The following LRRC20 variants were observed in gnomAD, a reference collection of about 807,000 sequenced individuals.
LRRC20 encodes the protein leucine rich repeat containing 20, also known as leucine-rich repeat-containing protein 20.
A neutral mutation model predicts 14.4 loss-of-function variants in LRRC20; 11 were observed. The ratio of observed to expected loss-of-function variants is 0.77; its 90% CI spans 0.48 to 1.27. LRRC20 has a LOEUF of 1.27. LRRC20 is among the 50% of genes most tolerant of loss of function. LRRC20 has a pLI of 0.00. For missense variants in LRRC20, 219 were observed against 251.2 expected (o/e 0.87, Z 0.87); for synonymous variants, 121 against 107.3 (o/e 1.13, Z -0.79).
At chr10:70,366,549 T>A (rs1844008349) in intron 2 of LRRC20, among the ~76,000 whole-genome samples, 1 of 152,058 alleles carries the variant, frequency 6.6e-6, no homozygotes, top group South Asian at 2.1e-4. Context: ...TAAATCAAAC[T>A]ACAATGAGAT....
intron 1 of LRRC20, among the ~76,000 whole-genome samples, chr10:70,381,179 T>C (rs1356397459): frequency 2.0e-5 from 3 of 152,184 alleles, no homozygotes; most frequent in Non-Finnish European, 1.5e-5. Context: ...ATTTGTAAAA[T>C]GGAAATACCA....
chr10:70,377,515 T>A (rs2137183077), intron 1 of LRRC20, among the ~76,000 whole-genome samples: 1 of 152,206 alleles, frequency 6.6e-6, no homozygotes, highest in South Asian at 2.1e-4. Flanking sequence ...CAGTGCTCAC[T>A]TTTTTATAAA....
chr10:70,324,546 T>G (rs1485561793), intron 3 of LRRC20, among the ~76,000 whole-genome samples: 1 of 152,164 alleles, frequency 6.6e-6, no homozygotes. Flanking sequence ...TGTGGGTGGG[T>G]TCCTGCTCCG....
At chr10:70,353,678 A>G (rs1843411488) in intron 2 of LRRC20, among the ~76,000 whole-genome samples, 1 of 152,166 alleles carries the variant, frequency 6.6e-6, no homozygotes, top group South Asian at 2.1e-4. Context: ...GGGCACTATT[A>G]TTACTATTCC....
chr10:70,323,589 G>A (rs1458858685), intron 4 of LRRC20, among the ~76,000 whole-genome samples: 1 of 152,206 alleles, frequency 6.6e-6, no homozygotes, highest in Non-Finnish European at 1.5e-5. Flanking sequence ...GAGAGGGAGA[G>A]CTTGTGGCCT....
chr10:70,317,741 G>A (rs1338498948), intron 4 of LRRC20, among the ~76,000 whole-genome samples: 1 of 152,196 alleles, frequency 6.6e-6, no homozygotes, highest in Non-Finnish European at 1.5e-5. Context: ...GGGACACTGA[G>A]AAGCCTTTTG....
At chr10:70,350,476 T>C (rs1386955013) in intron 2 of LRRC20, among the ~76,000 whole-genome samples, 2 of 152,258 alleles carry the variant, frequency 1.3e-5, no homozygotes, top group East Asian at 3.8e-4. Context: ...TAATGAATGC[T>C]TGATGAAAAG....
At chr10:70,330,412 C>T (rs892966098) in intron 3 of LRRC20, among the ~76,000 whole-genome samples, 2 of 150,618 alleles carry the variant, frequency 1.3e-5, no homozygotes, top group African/African-American at 4.9e-5. Flanking sequence ...TTATAATAAA[C>T]CTGGTAGGTT....
chr10:70,334,253 T>C (rs1303069976), intron 3 of LRRC20, among the ~76,000 whole-genome samples: 1 of 152,196 alleles, frequency 6.6e-6, no homozygotes, highest in Non-Finnish European at 1.5e-5. Flanking sequence ...CTTCCATGTC[T>C]GCCCTGCTGT....
intron 2 of LRRC20, among the ~76,000 whole-genome samples, chr10:70,348,213 G>C (rs559792504): frequency 3.1e-4 from 47 of 152,206 alleles, no homozygotes; most frequent in African/African-American, 1.1e-3. Flanking sequence ...CCACAGAAGG[G>C]CCCTGCTGGG....
chr10:70,322,520 C>A (rs34198782), intron 4 of LRRC20, among the ~76,000 whole-genome samples: 40,550 of 151,966 alleles, frequency 0.27, 5,908 homozygotes, highest in South Asian at 0.36. Context: ...CACTTCTGGG[C>A]AGGCTCCTTC....
At chr10:70,326,379 A>C (rs145190715) in intron 3 of LRRC20, among the ~76,000 whole-genome samples, 136 of 151,904 alleles carry the variant, frequency 9.0e-4, no homozygotes, top group African/African-American at 3.0e-3. Context: ...CTGCTCCAGC[A>C]CACTGGGGTT....
intron 1 of LRRC20, among the ~76,000 whole-genome samples, chr10:70,377,950 G>A (rs545144528): frequency 4.5e-4 from 68 of 152,304 alleles, no homozygotes; most frequent in Middle Eastern, 6.8e-3. Context: ...TTGGCTGAGA[G>A]GCCTTGGGAG....
intron 4 of LRRC20, among the ~76,000 whole-genome samples, chr10:70,312,369 G>A (rs1314887894): frequency 7.1e-6 from 1 of 141,284 alleles, no homozygotes; most frequent in Non-Finnish European, 1.6e-5. Context: ...GAAGGCTCCG[G>A]AGCCACACAC....
intron 2 of LRRC20, among the ~76,000 whole-genome samples, chr10:70,348,850 G>A (rs1843174555): frequency 6.6e-6 from 1 of 152,212 alleles, no homozygotes; most frequent in South Asian, 2.1e-4. Flanking sequence ...TTCCTCTGCA[G>A]GTCTAATTCA....
intron 3 of LRRC20, among the ~76,000 whole-genome samples, chr10:70,338,134 T>A (rs960533194): frequency 2.0e-5 from 3 of 152,204 alleles, no homozygotes; most frequent in African/African-American, 4.8e-5. Flanking sequence ...ATTTTAGCTT[T>A]TCAGGCACAA....
intron 2 of LRRC20, among the ~76,000 whole-genome samples, chr10:70,364,064 C>T (rs916142603): frequency 1.3e-5 from 2 of 152,216 alleles, no homozygotes; most frequent in Non-Finnish European, 2.9e-5. Flanking sequence ...GCAGCCCCAG[C>T]CATCTGGGAG....
At chr10:70,328,075 C>T (rs1444268645) in intron 3 of LRRC20, among the ~76,000 whole-genome samples, 1 of 152,164 alleles carries the variant, frequency 6.6e-6, no homozygotes, top group Non-Finnish European at 1.5e-5. Context: ...TGTCCTTGGG[C>T]CCATCCTCTC....
chr10:70,378,512 C>G (rs1368616456), intron 1 of LRRC20, among the ~76,000 whole-genome samples: 1 of 150,606 alleles, frequency 6.6e-6, no homozygotes, highest in Non-Finnish European at 1.5e-5. Flanking sequence ...AATGGTCGGG[C>G]ATGGTGGCTC....
Sources: allele counts gnomAD v4.1 joint callset (sites outside exome capture counted in the v4.1 genomes callset), GRCh38; gene constraint gnomAD v4.1.1; transcripts MANE v1.5; gene names NCBI Gene and HGNC (gene_info 2026-07-23, HGNC 2026-07-21).